KIFC3: variants seen among roughly 807,000 people sequenced by gnomAD.
KIFC3 encodes kinesin-like protein KIFC3.
In KIFC3, 60 loss-of-function variants were observed where a neutral mutation model predicts 101.8. That is an observed-to-expected ratio of 0.59 (90% CI 0.48 to 0.73). The LOEUF is 0.73. Ranked by LOEUF, KIFC3 falls within the 30% of genes least tolerant of loss-of-function variation. KIFC3 has a pLI of 0.00. For synonymous variants in KIFC3, 476 were observed against 482.7 expected (o/e 0.99, Z 0.18); for missense variants, 966 against 1,137.1 (o/e 0.85, Z 2.16).
chr16:57,772,115 G>T, intron 4 of KIFC3, 108 bp downstream of exon 4: 2 of 890,474 alleles, frequency 2.2e-6, no homozygotes, highest in Non-Finnish European at 3.5e-6. Flanking sequence ...GACAGGGTGG[G>T]ATATGCGGGC....
intron 6 of KIFC3, among the ~76,000 whole-genome samples, 199 bp from the exon 7 acceptor site, chr16:57,770,899 G>A (rs1282963143): frequency 6.6e-6 from 1 of 152,156 alleles, no homozygotes; most frequent in African/African-American, 2.4e-5. Context: ...TTAACAAGAG[G>A]CTACTATGAG....
chr16:57,820,957 C>CA (rs1183901977), intron 1 of KIFC3, among the ~76,000 whole-genome samples: 167 of 147,446 alleles, frequency 1.1e-3, no homozygotes, highest in African/African-American at 2.8e-3. Context: ...TCTGCATCTA[C>CA]AAAAAAAAAA....
At chr16:57,770,193 C>T (rs1264286787) in intron 7 of KIFC3, among the ~76,000 whole-genome samples, 4 of 152,258 alleles carry the variant, frequency 2.6e-5, no homozygotes, top group Non-Finnish European at 5.9e-5. Flanking sequence ...AAGCCACGTG[C>T]CCTCAGGAAG....
chr16:57,764,719 G>A (rs1298550211), intron 11 of KIFC3, among the ~76,000 whole-genome samples: 1 of 152,216 alleles, frequency 6.6e-6, no homozygotes, highest in Non-Finnish European at 1.5e-5. Flanking sequence ...CAGCCTCAGG[G>A]GGTTGGGGGA....
chr16:57,800,903 A>C (rs981151035), intron 1 of KIFC3, among the ~76,000 whole-genome samples: 1 of 152,142 alleles, frequency 6.6e-6, no homozygotes, highest in African/African-American at 2.4e-5. Context: ...GGGGGAGGGC[A>C]GTGGGACTGG....
chr16:57,859,999 G>A (rs1328816466), intron 1 of KIFC3, among the ~76,000 whole-genome samples: 1 of 132,338 alleles, frequency 7.6e-6, no homozygotes, highest in Non-Finnish European at 1.7e-5. Context: ...TCCAGCCTGG[G>A]CAACAGAGTG....
intron 3 of KIFC3, chr16:57,775,690 G>A: frequency 1.0e-6 from 1 of 985,564 alleles, no homozygotes; most frequent in Non-Finnish European, 1.2e-6. Context: ...AGGGTCCCGA[G>A]TGCCACCCTG....
chr16:57,862,205 T>TTC (rs1959330972), intron 1 of KIFC3, among the ~76,000 whole-genome samples: 2 of 151,138 alleles, frequency 1.3e-5, no homozygotes, highest in African/African-American at 4.9e-5. Context: ...TTTTTTTTTT[T>TTC]TTTTTTAGTA....
chr16:57,765,976 T>G, intron 10 of KIFC3: 1 of 237,250 alleles, frequency 4.2e-6, no homozygotes, highest in Non-Finnish European at 8.2e-6. Context: ...TTCAGTTTCT[T>G]CATCCAGACA....
intron 11 of KIFC3, among the ~76,000 whole-genome samples, chr16:57,765,009 G>A (rs374955555): frequency 1.3e-4 from 20 of 151,768 alleles, no homozygotes; most frequent in African/African-American, 4.6e-4. Context: ...GCAGTGGAAG[G>A]GGCCACCTGA....
In KIFC3 at chr16:57,765,386, C is replaced by T. The variant is rs145209034; in HGVS notation, c.1512+73G>A. 57 of 1,436,744 alleles carry T rather than the reference C, an allele frequency of 4.0e-5. No homozygotes were observed. The Middle Eastern group carries it at 6.6e-4, about 17-fold the overall frequency. 89.0% of individuals were successfully genotyped at this position (1,436,744 alleles called of 1,614,324 possible). ...ACTCTTAACGCTTCTTCCTGCCCAG[C>T]GCCCCCGCTCCCTGTGAGTCCATCT... On this transcript the variant is annotated intron_variant, in intron 11 of 19. Transcript: ENST00000445690.
chr16:57,790,063 TTTCTTTCTTTCTTTC>T (rs376565156), intron 3 of KIFC3, among the ~76,000 whole-genome samples: 13,356 of 65,224 alleles, frequency 0.2, 805 homozygotes, highest in Middle Eastern at 0.33. Flanking sequence ...TTTTTCTTTC[TTTCTTTCTTTCTTTC>T]TTTTTTTTTT....
At chr16:57,790,942 G>A in intron 3 of KIFC3, 4 of 985,134 alleles carry the variant, frequency 4.1e-6, no homozygotes, top group Non-Finnish European at 4.8e-6. Context: ...CTTATATTTA[G>A]GAATATTCCT....
At chr16:57,811,185 T>C (rs965943026) in intron 1 of KIFC3, among the ~76,000 whole-genome samples, 3 of 152,158 alleles carry the variant, frequency 2.0e-5, no homozygotes, top group Non-Finnish European at 4.4e-5. Flanking sequence ...AAGAAAGTAG[T>C]TGAGTGGTTG....
chr16:57,795,699 G>A (rs539713655), intron 2 of KIFC3, among the ~76,000 whole-genome samples: 135 of 152,162 alleles, frequency 8.9e-4, no homozygotes, highest in Non-Finnish European at 1.3e-3. Context: ...GCGGGCTGTG[G>A]CAGCAATGCC....
intron 1 of KIFC3, among the ~76,000 whole-genome samples, chr16:57,844,565 G>A (rs555132072): frequency 6.6e-6 from 1 of 152,198 alleles, no homozygotes; most frequent in South Asian, 2.1e-4. Flanking sequence ...AGTTCAGCAA[G>A]AATATCTTTG....
intron 3 of KIFC3, among the ~76,000 whole-genome samples, chr16:57,784,678 TGATGTGGCAGACAGGCTTG>T (rs1333943477): frequency 4.0e-5 from 6 of 151,818 alleles, no homozygotes; most frequent in Non-Finnish European, 8.8e-5. Context: ...GAAGTGGGGA[TGATGTGGCAGACAGGCTTG>T]GAGACCTTGG....
intron 3 of KIFC3, among the ~76,000 whole-genome samples, chr16:57,787,073 G>C (rs781999035): frequency 6.6e-6 from 1 of 152,224 alleles, no homozygotes; most frequent in Non-Finnish European, 1.5e-5. Flanking sequence ...CCAAGCTCCT[G>C]CGATCTGTTC....
At chr16:57,795,449 C>G (rs955756152) in intron 2 of KIFC3, among the ~76,000 whole-genome samples, 14 of 152,238 alleles carry the variant, frequency 9.2e-5, no homozygotes, top group Non-Finnish European at 2.1e-4. Context: ...ATCTGCTCAG[C>G]AGGGAAGTGG....
Sources: gnomAD v4.1 joint callset for allele counts (sites outside exome capture counted in the v4.1 genomes callset) on GRCh38, gnomAD v4.1.1 for gene constraint, MANE v1.5 for transcripts, NCBI Gene and HGNC (gene_info 2026-07-23, HGNC 2026-07-21) for gene names.